Variants in SKAP1 observed in about 807,000 individuals in gnomAD.
SKAP1 encodes the protein src kinase-associated phosphoprotein 1.
SKAP1 carries 44 observed loss-of-function variants against 58.5 expected under a neutral mutation model. The observed-to-expected ratio is 0.75, with a 90% CI of 0.59 to 0.97. The LOEUF is 0.97. Ranked by LOEUF, SKAP1 falls within the 50% of genes least tolerant of loss-of-function variation. SKAP1 has a pLI of 0.00. For missense variants in SKAP1, 390 were observed against 435.2 expected, an observed-to-expected ratio of 0.90 and a Z score of 0.92; for synonymous variants, 127 against 149.7, an observed-to-expected ratio of 0.85 and a Z score of 1.11.
chr17:48,359,009 C>T (rs948860680), intron 3 of SKAP1, among the ~76,000 whole-genome samples: 2 of 152,136 alleles, frequency 1.3e-5, no homozygotes, highest in Non-Finnish European at 2.9e-5. Context: ...AATCAGTTCA[C>T]TATTCTATGT....
At chr17:48,412,093 T>C (rs1302961290) in intron 1 of SKAP1, among the ~76,000 whole-genome samples, 1 of 152,216 alleles carries the variant, frequency 6.6e-6, no homozygotes, top group African/African-American at 2.4e-5. Context: ...AGGGGAACTC[T>C]GTACTATCTG....
chr17:48,346,756 T>C lies in SKAP1; in HGVS notation c.179-750A>G, dbSNP rs192304514. ...TTAACCTTCTATACATAATATAATA[T>C]AGCAAGGTCAATAGTCTTTCTCTGA... On this transcript the variant is annotated intron_variant, in intron 3 of 12. Coordinates refer to ENST00000336915, the MANE Select transcript of SKAP1 (RefSeq NM_003726.4). 2.1e-3 allele frequency among the ~76,000 whole-genome samples: 317 copies of C among 152,352 alleles called. 2 individuals carry two copies. The highest frequency in any genetic ancestry group is 3.7e-3 in the Non-Finnish European group (251 of 68,032).
At chr17:48,223,734 C>T (rs555696009) in intron 4 of SKAP1, among the ~76,000 whole-genome samples, 1 of 151,944 alleles carries the variant, frequency 6.6e-6, no homozygotes, top group East Asian at 1.9e-4. Context: ...TCATAGTGAC[C>T]GATGGTTAAC....
intron 9 of SKAP1, among the ~76,000 whole-genome samples, chr17:48,177,116 C>T (rs2064301553): frequency 6.6e-6 from 1 of 152,196 alleles, no homozygotes; most frequent in Non-Finnish European, 1.5e-5. Flanking sequence ...CACCTGGCCT[C>T]GTAGTCAAAA....
intron 12 of SKAP1, among the ~76,000 whole-genome samples, chr17:48,136,177 T>TCTC (rs200620402): frequency 0.027 from 3,953 of 145,120 alleles, 162 homozygotes; most frequent in African/African-American, 0.092. Context: ...TTTCTCTCTC[T>TCTC]TTTTTTTTTT....
At chr17:48,320,850 A>T (rs1598564441) in intron 4 of SKAP1, among the ~76,000 whole-genome samples, 1 of 152,186 alleles carries the variant, frequency 6.6e-6, no homozygotes, top group East Asian at 1.9e-4. Flanking sequence ...ATACTTCAAA[A>T]CTCTCATTTA....
intron 9 of SKAP1, among the ~76,000 whole-genome samples, chr17:48,172,083 A>AC (rs1163016448): frequency 2.0e-5 from 3 of 151,468 alleles, no homozygotes; most frequent in Non-Finnish European, 4.4e-5. Context: ...AAAACAAAAA[A>AC]CCCTCTTTGA....
At chr17:48,395,881 T>C (rs1226833994) in intron 2 of SKAP1, among the ~76,000 whole-genome samples, 1 of 152,220 alleles carries the variant, frequency 6.6e-6, no homozygotes, top group Non-Finnish European at 1.5e-5. Flanking sequence ...ATGAGGTTTT[T>C]AGAGCAGATA....
In SKAP1 at chr17:48,345,898, C is replaced by T. The variant is rs2066715549; in HGVS notation, c.280+7G>A. On this transcript the variant is annotated splice_region_variant and intron_variant, in intron 4 of 12. Coordinates refer to ENST00000336915, the MANE Select transcript of SKAP1 (RefSeq NM_003726.4). ...AGTCACCCAAAATCCAGAAGGATAA[C>T]ACTCACCCTCATCCTGATAATCTGA... The T allele has an allele frequency of 6.9e-6, 11 of 1,595,056 alleles. No homozygotes were observed. The highest frequency in any genetic ancestry group is 9.5e-6 in the Non-Finnish European group (11 of 1,163,202).
At chr17:48,256,119 T>C (rs1211160273) in intron 4 of SKAP1, among the ~76,000 whole-genome samples, 1 of 152,022 alleles carries the variant, frequency 6.6e-6, no homozygotes. Flanking sequence ...CCCATGCATT[T>C]GTCACTTTCT....
At chr17:48,213,484 T>C (rs2064900279) in intron 4 of SKAP1, among the ~76,000 whole-genome samples, 1 of 151,656 alleles carries the variant, frequency 6.6e-6, no homozygotes, top group East Asian at 2.0e-4. Flanking sequence ...TCTCCAACAA[T>C]AAGCCATTCT....
At chr17:48,200,443 C>A (rs902655531) in intron 4 of SKAP1, among the ~76,000 whole-genome samples, 1 of 151,648 alleles carries the variant, frequency 6.6e-6, no homozygotes, top group Non-Finnish European at 1.5e-5. Flanking sequence ...ATGGCGCAAT[C>A]CCTGCTCACT....
chr17:48,170,167 C>A (rs2064188937), intron 10 of SKAP1, among the ~76,000 whole-genome samples: 1 of 152,208 alleles, frequency 6.6e-6, no homozygotes, highest in African/African-American at 2.4e-5. Flanking sequence ...GGAATTTTAT[C>A]TTTCACCCTG....
intron 4 of SKAP1, among the ~76,000 whole-genome samples, chr17:48,191,846 C>T (rs892177793): frequency 1.3e-5 from 2 of 152,136 alleles, no homozygotes; most frequent in African/African-American, 2.4e-5. Flanking sequence ...TCAGGGTGCA[C>T]GCATGAGATG....
At chr17:48,395,712 TC>T (rs1275087186) in intron 2 of SKAP1, among the ~76,000 whole-genome samples, 1 of 152,184 alleles carries the variant, frequency 6.6e-6, no homozygotes, top group African/African-American at 2.4e-5. Flanking sequence ...AATTACACAG[TC>T]CCCAGTTGCT....
chr17:48,202,634 T>A (rs2064743324), intron 4 of SKAP1, among the ~76,000 whole-genome samples: 1 of 152,128 alleles, frequency 6.6e-6, no homozygotes, highest in South Asian at 2.1e-4. Flanking sequence ...GGAAAAAGAT[T>A]TAGGAGGGGA....
rs190538063 is a variant in SKAP1 at position 48,349,965 on chromosome 17, C to T, written c.179-3959G>A. Among the ~76,000 whole-genome samples the T allele has an allele frequency of 8.3e-4, 127 of 152,300 alleles. 1 individual carries two copies. Among genetic ancestry groups the T allele is most frequent in the Admixed American group, 4.5e-3 (69 of 15,302 alleles). ...CTTTTTCTGCCACAGATTCAACCAGCTGTTGCTGCTCCATAAACTTTATGG... is the reference window on the plus strand; with the variant it reads ...CTTTTTCTGCCACAGATTCAACCAGTTGTTGCTGCTCCATAAACTTTATGG... On this transcript the variant is annotated intron_variant, in intron 3 of 12. Coordinates refer to ENST00000336915, the MANE Select transcript of SKAP1 (RefSeq NM_003726.4).
intron 4 of SKAP1, among the ~76,000 whole-genome samples, chr17:48,209,613 G>T (rs556228229): frequency 6.6e-6 from 1 of 152,278 alleles, no homozygotes; most frequent in African/African-American, 2.4e-5. Flanking sequence ...AGTGTAATGT[G>T]CTCTCTTAAC....
At chr17:48,383,447 A>G (rs566364527) in intron 2 of SKAP1, among the ~76,000 whole-genome samples, 5 of 95,158 alleles carry the variant, frequency 5.3e-5, no homozygotes, top group African/African-American at 1.8e-4. Flanking sequence ...TTCCTTAATT[A>G]AAAAAAAAAT....
Sources: gnomAD v4.1 joint callset for allele counts (sites outside exome capture counted in the v4.1 genomes callset) on GRCh38, gnomAD v4.1.1 for gene constraint, MANE v1.5 for transcripts, NCBI Gene and HGNC (gene_info 2026-07-23, HGNC 2026-07-21) for gene names.